Variants in CORO1C observed in about 807,000 individuals in gnomAD.
CORO1C encodes coronin-1C.
In CORO1C, 14 loss-of-function variants were observed where a neutral mutation model predicts 51.2. The observed-to-expected ratio is 0.27, with a 90% CI of 0.18 to 0.43. The LOEUF is 0.43. Ranked by LOEUF, CORO1C falls within the 20% of genes least tolerant of loss-of-function variation. The probability of loss-of-function intolerance (pLI) is 1.00; values close to 1 mark genes in which losing one functional copy is unlikely to be tolerated. For synonymous variants in CORO1C, 181 were observed against 210.5 expected, an observed-to-expected ratio of 0.86 and a Z score of 1.21; for missense variants, 417 against 607.8, an observed-to-expected ratio of 0.69 and a Z score of 3.30.
intron 3 of CORO1C, among the ~76,000 whole-genome samples, chr12:108,666,119 C>T (rs981690326): frequency 1.3e-5 from 2 of 152,170 alleles, no homozygotes; most frequent in African/African-American, 2.4e-5. Flanking sequence ...ATGAACAAGA[C>T]TTAGGTGAAA....
chr12:108,679,134 C>CAAAAAAAAAAAAAAAAAAAA (rs2034027740), intron 2 of CORO1C, among the ~76,000 whole-genome samples: 1 of 49,686 alleles, frequency 2.0e-5, no homozygotes, highest in Non-Finnish European at 4.0e-5. Context: ...AAAAAAGAAA[C>CAAAAAAAAAAAAAAAAAAAA]AAGAAAAAAG....
chr12:108,669,933 T>C (rs1280442521), intron 3 of CORO1C, among the ~76,000 whole-genome samples: 1 of 152,160 alleles, frequency 6.6e-6, no homozygotes, highest in Non-Finnish European at 1.5e-5. Flanking sequence ...GTTCTATACT[T>C]AAAGATTTTT....
chr12:108,720,993 T>C (rs2035462562), intron 1 of CORO1C, among the ~76,000 whole-genome samples: 1 of 152,066 alleles, frequency 6.6e-6, no homozygotes, highest in Non-Finnish European at 1.5e-5. Flanking sequence ...TGCTAGGAAA[T>C]GGAGGCACCA....
intron 2 of CORO1C, among the ~76,000 whole-genome samples, chr12:108,692,779 T>C (rs1306015049): frequency 2.0e-5 from 3 of 146,904 alleles, no homozygotes; most frequent in Non-Finnish European, 4.5e-5. Context: ...GGATTCAGTG[T>C]CCATTAGACC....
intron 1 of CORO1C, among the ~76,000 whole-genome samples, chr12:108,706,378 C>T (rs1454083398): frequency 6.6e-6 from 1 of 152,074 alleles, no homozygotes; most frequent in Non-Finnish European, 1.5e-5. Context: ...ATAAGATGAG[C>T]TTGTCCACCC....
At chr12:108,680,966 T>C (rs2034104998) in intron 2 of CORO1C, among the ~76,000 whole-genome samples, 1 of 152,234 alleles carries the variant, frequency 6.6e-6, no homozygotes, top group African/African-American at 2.4e-5. Flanking sequence ...AAACTATAGA[T>C]ACAGTAACTC....
chr12:108,714,397 C>A (rs1177410552), intron 1 of CORO1C, among the ~76,000 whole-genome samples: 368 of 94,740 alleles, frequency 3.9e-3, no homozygotes, highest in African/African-American at 4.3e-3. Context: ...GAGTCAGTCT[C>A]AAAAAAAAAA....
intron 1 of CORO1C, among the ~76,000 whole-genome samples, chr12:108,712,483 A>T (rs2136877724): frequency 6.8e-6 from 1 of 147,282 alleles, no homozygotes; most frequent in Non-Finnish European, 1.5e-5. Flanking sequence ...CTGAGGCACG[A>T]GAATTGCTTG....
intron 2 of CORO1C, among the ~76,000 whole-genome samples, chr12:108,688,995 C>T (rs966273409): frequency 6.7e-6 from 1 of 148,286 alleles, no homozygotes; most frequent in African/African-American, 2.5e-5. Context: ...CGTACCACTA[C>T]ACTCCAGCCT....
At chr12:108,726,461 A>G (rs1163323139) in intron 1 of CORO1C, among the ~76,000 whole-genome samples, 3 of 151,822 alleles carry the variant, frequency 2.0e-5, no homozygotes, top group Non-Finnish European at 4.4e-5. Context: ...AACACAAAAT[A>G]TAACTAAAGA....
intron 5 of CORO1C, among the ~76,000 whole-genome samples, chr12:108,657,771 T>G (rs931681916): frequency 6.6e-6 from 1 of 152,208 alleles, no homozygotes; most frequent in African/African-American, 2.4e-5. Flanking sequence ...CATAAGGAGA[T>G]TAGGCATGCC....
At chr12:108,664,643 C>T (rs1240117516) in intron 3 of CORO1C, among the ~76,000 whole-genome samples, 1 of 152,212 alleles carries the variant, frequency 6.6e-6, no homozygotes, top group Non-Finnish European at 1.5e-5. Context: ...CCCTCTCCCT[C>T]CCTCTGCGGA....
At chr12:108,688,689 C>G (rs10778653) in intron 2 of CORO1C, among the ~76,000 whole-genome samples, 74,022 of 151,474 alleles carry the variant, frequency 0.49, 18,482 homozygotes, top group South Asian at 0.7. Flanking sequence ...GGTGGATCAT[C>G]TGAGGTCAGG....
At chr12:108,655,168 A>C (rs2032884318) in intron 6 of CORO1C, among the ~76,000 whole-genome samples, 1 of 152,214 alleles carries the variant, frequency 6.6e-6, no homozygotes, top group South Asian at 2.1e-4. Context: ...ACACATGTAC[A>C]CAGAGATTGA....
chr12:108,677,759 C>T (rs149469292), intron 3 of CORO1C, among the ~76,000 whole-genome samples: 56 of 152,332 alleles, frequency 3.7e-4, no homozygotes, highest in African/African-American at 1.2e-3. Flanking sequence ...ACAGAAAAGA[C>T]TGTAATCCCA....
At chr12:108,675,562 T>C (rs2033877437) in intron 3 of CORO1C, among the ~76,000 whole-genome samples, 1 of 152,128 alleles carries the variant, frequency 6.6e-6, no homozygotes, top group Admixed American at 6.5e-5. Flanking sequence ...GAGAACTAGG[T>C]AAATAAAAGG....
intron 3 of CORO1C, among the ~76,000 whole-genome samples, chr12:108,668,202 C>T (rs2033567563): frequency 6.6e-6 from 1 of 152,218 alleles, no homozygotes; most frequent in Non-Finnish European, 1.5e-5. Flanking sequence ...CAGACGCCCA[C>T]AAAGGCCTGC....
intron 1 of CORO1C, among the ~76,000 whole-genome samples, chr12:108,720,338 CCTG>C (rs2035446580): frequency 6.6e-6 from 1 of 152,114 alleles, no homozygotes; most frequent in Non-Finnish European, 1.5e-5. Context: ...GTTGTGTTAT[CCTG>C]CTTTTTATCA....
At chr12:108,673,892 A>C (rs2033807246) in intron 3 of CORO1C, among the ~76,000 whole-genome samples, 1 of 151,782 alleles carries the variant, frequency 6.6e-6, no homozygotes, top group South Asian at 2.1e-4. Flanking sequence ...AATAAAATAA[A>C]AAATAAATAA....
Sources: allele counts gnomAD v4.1 joint callset (sites outside exome capture counted in the v4.1 genomes callset), GRCh38; gene constraint gnomAD v4.1.1; transcripts MANE v1.5; gene names NCBI Gene and HGNC (gene_info 2026-07-23, HGNC 2026-07-21).